Variants in ASZ1 observed in about 807,000 individuals in gnomAD.
ASZ1 encodes the protein ankyrin repeat, SAM and basic leucine zipper domain-containing protein 1.
Under a neutral mutation model 61.8 loss-of-function variants are expected in ASZ1, and 67 were observed. The ratio of observed to expected loss-of-function variants is 1.08; its 90% CI spans 0.89 to 1.33. The LOEUF (loss-of-function observed/expected upper bound fraction) is 1.33. Ranked by LOEUF, ASZ1 falls within the 40% of genes most tolerant of loss-of-function variation. The probability of loss-of-function intolerance (pLI) is 0.00; values close to 1 mark genes in which losing one functional copy is unlikely to be tolerated. For synonymous variants in ASZ1, 193 were observed against 192.7 expected, an observed-to-expected ratio of 1.00 and a Z score of -0.01; for missense variants, 577 against 554.5, an observed-to-expected ratio of 1.04 and a Z score of -0.41.
At chr7:117,364,996 C>A (rs1264857095) in intron 12 of ASZ1, among the ~76,000 whole-genome samples, 5 of 152,088 alleles carry the variant, frequency 3.3e-5, no homozygotes, top group Non-Finnish European at 7.4e-5. Flanking sequence ...TCTGTGATAA[C>A]TTATGTTTCT....
intron 4 of ASZ1, among the ~76,000 whole-genome samples, chr7:117,388,123 C>T (rs1354913004): frequency 6.6e-6 from 1 of 152,044 alleles, no homozygotes; most frequent in African/African-American, 2.4e-5. Context: ...ACCTGAATAG[C>T]CCTAGACTTA....
intron 10 of ASZ1, among the ~76,000 whole-genome samples, chr7:117,374,818 G>C (rs973886969): frequency 1.3e-5 from 2 of 151,972 alleles, no homozygotes; most frequent in Non-Finnish European, 2.9e-5. Flanking sequence ...AATTTGGTTT[G>C]TCCTCTGTAC....
At chr7:117,421,473 C>T (rs562079476) in intron 3 of ASZ1, among the ~76,000 whole-genome samples, 56 of 152,160 alleles carry the variant, frequency 3.7e-4, no homozygotes, top group Non-Finnish European at 6.8e-4. Context: ...CCTTAGACTC[C>T]CAAAGTGCTA....
At chr7:117,425,553 C>T (rs1056565599) in intron 2 of ASZ1, among the ~76,000 whole-genome samples, 37 of 151,970 alleles carry the variant, frequency 2.4e-4, no homozygotes, top group African/African-American at 8.7e-4. Context: ...CAGGCGTGAG[C>T]CACCGCGCCC....
At chr7:117,368,930 T>A (rs954860569) in intron 10 of ASZ1, among the ~76,000 whole-genome samples, 5 of 152,158 alleles carry the variant, frequency 3.3e-5, no homozygotes, top group African/African-American at 1.2e-4. Context: ...CAGGATAAGA[T>A]GCAGATATAC....
chr7:117,397,412 T>C (rs1267649892), intron 4 of ASZ1, among the ~76,000 whole-genome samples: 1 of 152,132 alleles, frequency 6.6e-6, no homozygotes, highest in Non-Finnish European at 1.5e-5. Context: ...GCAAGACTAA[T>C]CAATTATTAT....
At chr7:117,420,480 A>C (rs1797080291) in intron 3 of ASZ1, among the ~76,000 whole-genome samples, 1 of 152,226 alleles carries the variant, frequency 6.6e-6, no homozygotes, top group Non-Finnish European at 1.5e-5. Flanking sequence ...TTTATCTATA[A>C]TTCATTTAAC....
At chr7:117,380,980 T>G (rs1185998194) in intron 9 of ASZ1, 31 bp downstream of exon 9, 9 of 1,521,118 alleles carry the variant, frequency 5.9e-6, no homozygotes, top group Admixed American at 1.9e-5. Context: ...CATCAAACAA[T>G]GTATCGGGAA....
At chr7:117,364,785 T>C (rs1262687006) in intron 12 of ASZ1, among the ~76,000 whole-genome samples, 1 of 152,168 alleles carries the variant, frequency 6.6e-6, no homozygotes, top group Non-Finnish European at 1.5e-5. Flanking sequence ...TCCAAATGGC[T>C]TCATTCAGCA....
At chr7:117,411,534 T>C (rs1045102050) in intron 4 of ASZ1, among the ~76,000 whole-genome samples, 7 of 151,834 alleles carry the variant, frequency 4.6e-5, no homozygotes, top group African/African-American at 7.2e-5. Context: ...GGTCTACAAA[T>C]GTAAAGTGGA....
At chr7:117,425,255 A>ATTTTTTTTTTTTTTTTTTTTTT (rs1004795019) in intron 2 of ASZ1, among the ~76,000 whole-genome samples, 1 of 86,688 alleles carries the variant, frequency 1.2e-5, no homozygotes, top group African/African-American at 3.9e-5. Context: ...CCTTTGAGTA[A>ATTTTTTTTTTTTTTTTTTTTTT]TTTCTTTTTT....
intron 4 of ASZ1, among the ~76,000 whole-genome samples, chr7:117,401,476 C>T (rs1584734273): frequency 6.6e-6 from 1 of 150,996 alleles, no homozygotes; most frequent in African/African-American, 2.4e-5. Context: ...ATAAGAGTAA[C>T]AGCTGACTTG....
At chr7:117,396,845 T>C (rs1366161011) in intron 4 of ASZ1, among the ~76,000 whole-genome samples, 1 of 152,094 alleles carries the variant, frequency 6.6e-6, no homozygotes, top group Admixed American at 6.6e-5. Flanking sequence ...ATGTAATCTA[T>C]TCCTTGGAAG....
chr7:117,384,671 CA>C, intron 6 of ASZ1, 54 bp downstream of exon 6: 1 of 1,524,136 alleles, frequency 6.6e-7, no homozygotes, highest in Non-Finnish European at 8.9e-7. Flanking sequence ...AAAAGTTCTA[CA>C]AATGATAATG....
At chr7:117,393,243 G>A (rs970918719) in intron 4 of ASZ1, among the ~76,000 whole-genome samples, 6 of 151,966 alleles carry the variant, frequency 3.9e-5, no homozygotes, top group African/African-American at 1.5e-4. Flanking sequence ...TTATGTTAAA[G>A]TCAGAATTCT....
chr7:117,377,104 A>C (rs1303172934), intron 10 of ASZ1, among the ~76,000 whole-genome samples: 2 of 152,212 alleles, frequency 1.3e-5, no homozygotes, highest in African/African-American at 4.8e-5. Flanking sequence ...CACAAAAATC[A>C]ATTGCACATG....
chr7:117,383,034 C>T lies in ASZ1; in HGVS notation c.764G>A (p.Cys255Tyr), dbSNP rs1796283828. 6.3e-7 allele frequency: 1 copy of T among 1,588,624 alleles called. No individual in the cohort carries two copies. Among genetic ancestry groups the T allele is most frequent in the African/African-American group, 1.4e-5 (1 of 73,612 alleles). Residue 255 changes from cysteine (C) to tyrosine (Y), a missense_variant, in exon 7 of 13, where the codon TGT becomes TAT. Transcript: ENST00000284629. ...LQQLTKEDTI[C>Y]KILTTDSDRE... Reference sequence around the variant, plus strand: ...ATCAGAATCTGTTGTCAATATTTTACAAATAGTGTCTTCTTTAGTTAGCTG... The same window carrying T: ...ATCAGAATCTGTTGTCAATATTTTATAAATAGTGTCTTCTTTAGTTAGCTG...
At chr7:117,424,612 C>A (rs931670796) in intron 2 of ASZ1, among the ~76,000 whole-genome samples, 1 of 152,222 alleles carries the variant, frequency 6.6e-6, no homozygotes, top group Non-Finnish European at 1.5e-5. Context: ...ATCTGCCCAT[C>A]AATCATATCA....
chr7:117,424,432 A>T (rs1323208359), intron 2 of ASZ1, among the ~76,000 whole-genome samples: 1 of 152,244 alleles, frequency 6.6e-6, no homozygotes, highest in Non-Finnish European at 1.5e-5. Context: ...CATCAGCAGT[A>T]AGGGGAATGA....
Sources: allele counts gnomAD v4.1 joint callset (sites outside exome capture counted in the v4.1 genomes callset), GRCh38; gene constraint gnomAD v4.1.1; transcripts MANE v1.5; gene names NCBI Gene and HGNC (gene_info 2026-07-23, HGNC 2026-07-21).